Variants in NXPE2 observed in about 807,000 individuals in gnomAD.
NXPE2 encodes neurexophilin and PC-esterase domain family member 2, also known as NXPE family member 2.
Under a neutral mutation model 34.4 loss-of-function variants are expected in NXPE2, and 34 were observed. That is an observed-to-expected ratio of 0.99 (90% CI 0.75 to 1.31). NXPE2 has a LOEUF of 1.31. Among genes scored for constraint, NXPE2 ranks in the 40% most tolerant of loss-of-function variants. The probability of loss-of-function intolerance (pLI) is 0.00; values close to 1 mark genes in which losing one functional copy is unlikely to be tolerated. For missense variants in NXPE2, 649 were observed against 672.5 expected (o/e 0.97, Z 0.39); for synonymous variants, 235 against 231.3 (o/e 1.02, Z -0.15).
the NXPE2 span, among the ~76,000 whole-genome samples, chr11:114,524,506 G>A: frequency 2.6e-5 from 4 of 152,096 alleles, no homozygotes; most frequent in East Asian, 7.7e-4. Flanking sequence ...CTTAAGTCCT[G>A]GTGATTTGGC....
chr11:114,641,848 G>A, the NXPE2 span, among the ~76,000 whole-genome samples: 1 of 151,996 alleles, frequency 6.6e-6, no homozygotes, highest in Admixed American at 6.6e-5. Flanking sequence ...ATTTTTTAAA[G>A]ATTATTTGGG....
the NXPE2 span, among the ~76,000 whole-genome samples, chr11:114,527,555 C>G: frequency 2.0e-5 from 3 of 152,162 alleles, no homozygotes; most frequent in Non-Finnish European, 4.4e-5. Flanking sequence ...GATATCCGTC[C>G]TTCAAAGACA....
chr11:114,564,088 T>C, the NXPE2 span, among the ~76,000 whole-genome samples: 2 of 151,624 alleles, frequency 1.3e-5, no homozygotes, highest in African/African-American at 2.4e-5. Context: ...ATAAAGAAAA[T>C]GTGGTATATA....
At chr11:114,638,119 G>T in the NXPE2 span, among the ~76,000 whole-genome samples, 1 of 151,060 alleles carries the variant, frequency 6.6e-6, no homozygotes, top group African/African-American at 2.4e-5. Flanking sequence ...TGTAGATTTG[G>T]TCTTGTCACA....
chr11:114,624,682 T>C, the NXPE2 span, among the ~76,000 whole-genome samples: 91 of 152,092 alleles, frequency 6.0e-4, 1 homozygote, highest in South Asian at 0.016. Context: ...TGGTGGAAAA[T>C]AAGTATTGCC....
At chr11:114,773,785 G>A in the NXPE2 span, among the ~76,000 whole-genome samples, 1 of 152,194 alleles carries the variant, frequency 6.6e-6, no homozygotes, top group Non-Finnish European at 1.5e-5. Flanking sequence ...GGTGGAAGAA[G>A]GGAGAATTTC....
the NXPE2 span, among the ~76,000 whole-genome samples, chr11:114,572,435 G>A: frequency 6.6e-6 from 1 of 152,094 alleles, no homozygotes; most frequent in Admixed American, 6.6e-5. Context: ...AGGCACCAGA[G>A]AAAGGTGAAG....
the NXPE2 span, among the ~76,000 whole-genome samples, chr11:114,657,148 A>G: frequency 6.6e-6 from 1 of 152,116 alleles, no homozygotes; most frequent in Non-Finnish European, 1.5e-5. Context: ...TACTATACTC[A>G]TCCTCAGTTA....
chr11:114,802,657 T>G, the NXPE2 span, among the ~76,000 whole-genome samples: 2 of 152,198 alleles, frequency 1.3e-5, no homozygotes, highest in African/African-American at 4.8e-5. Context: ...TCACTGCATA[T>G]CAACACCTGT....
the NXPE2 span, chr11:114,550,987 G>A: frequency 1.9e-4 from 120 of 622,716 alleles, no homozygotes; most frequent in Non-Finnish European, 6.0e-5. Flanking sequence ...GAGAAGATAG[G>A]GCAGTAGTTG....
At chr11:114,704,848 T>G (rs1382917518) in intron 4 of NXPE2, among the ~76,000 whole-genome samples, 3 of 152,234 alleles carry the variant, frequency 2.0e-5, no homozygotes, top group Non-Finnish European at 4.4e-5. Context: ...TGAAGAAAGT[T>G]CTTAGATTCT....
the NXPE2 span, among the ~76,000 whole-genome samples, chr11:114,620,119 C>T: frequency 4.1e-5 from 6 of 146,374 alleles, no homozygotes; most frequent in South Asian, 2.2e-4. Context: ...GTGGATAATA[C>T]GTATTTCCTC....
the NXPE2 span, among the ~76,000 whole-genome samples, chr11:114,728,071 G>A: frequency 2.0e-4 from 31 of 152,024 alleles, no homozygotes; most frequent in East Asian, 2.3e-3. Context: ...CTGTGGCCCC[G>A]TCCTCCATGT....
the NXPE2 span, among the ~76,000 whole-genome samples, chr11:114,512,542 C>T: frequency 6.6e-6 from 1 of 152,078 alleles, no homozygotes; most frequent in African/African-American, 2.4e-5. Context: ...AGCCATCCAT[C>T]CTCAGGCTTA....
At chr11:114,748,416 T>C in the NXPE2 span, among the ~76,000 whole-genome samples, 1 of 152,198 alleles carries the variant, frequency 6.6e-6, no homozygotes. Context: ...GCCAGATGTC[T>C]CAAAAGTGTT....
intron 2 of NXPE2, among the ~76,000 whole-genome samples, chr11:114,687,517 C>G (rs1487446099): frequency 1.3e-5 from 2 of 151,944 alleles, no homozygotes; most frequent in Non-Finnish European, 2.9e-5. Context: ...TTACTGTAAC[C>G]TTGTAGTGAA....
At chr11:114,547,012 T>G in the NXPE2 span, among the ~76,000 whole-genome samples, 3 of 152,184 alleles carry the variant, frequency 2.0e-5, no homozygotes, top group African/African-American at 7.2e-5. Flanking sequence ...AAATCTCTTG[T>G]ACAGAAGAAT....
chr11:114,581,616 T>A, the NXPE2 span: 1 of 858,044 alleles, frequency 1.2e-6, no homozygotes, highest in Non-Finnish European at 1.9e-6. Context: ...ATAAGCCAGA[T>A]GAACAGAGTG....
intron 2 of NXPE2, among the ~76,000 whole-genome samples, chr11:114,680,461 T>TA (rs1425810212): frequency 6.6e-6 from 1 of 152,056 alleles, no homozygotes; most frequent in Non-Finnish European, 1.5e-5. Flanking sequence ...ATGAACTGGT[T>TA]AAAAAAAGCC....
Sources: allele counts gnomAD v4.1 joint callset (sites outside exome capture counted in the v4.1 genomes callset), GRCh38; gene constraint gnomAD v4.1.1; transcripts MANE v1.5; gene names NCBI Gene and HGNC (gene_info 2026-07-23, HGNC 2026-07-21).